Variants in EVC2 observed in about 807,000 individuals in gnomAD.
EVC2 encodes limbin.
In EVC2, 148 loss-of-function variants were observed where a neutral mutation model predicts 149.3. That is an observed-to-expected ratio of 0.99 (90% confidence interval 0.87 to 1.14). The LOEUF (loss-of-function observed/expected upper bound fraction) is 1.14. Ranked by LOEUF, EVC2 falls within the 50% of genes most tolerant of loss-of-function variation. The pLI is 0.00. For missense variants in EVC2, 1,854 were observed against 1,627.3 expected (o/e 1.14, Z -2.40); for synonymous variants, 776 against 649.9 (o/e 1.19, Z -2.95).
chr4:5,680,544 T>C (rs1720270956), intron 7 of EVC2, among the ~76,000 whole-genome samples: 1 of 152,096 alleles, frequency 6.6e-6, no homozygotes, highest in African/African-American at 2.4e-5. Flanking sequence ...GTCCCGTGAG[T>C]CACCCTAGAG....
chr4:5,584,979 G>T, intron 16 of EVC2, 129 bp from the exon 17 acceptor site: 2 of 992,222 alleles, frequency 2.0e-6, no homozygotes, highest in Non-Finnish European at 3.1e-6. Context: ...CAATGGAGAC[G>T]CACTGGGAAC....
chr4:5,673,844 C>A (rs1719823557), intron 7 of EVC2, among the ~76,000 whole-genome samples: 1 of 152,168 alleles, frequency 6.6e-6, no homozygotes, highest in Admixed American at 6.5e-5. Flanking sequence ...GAGATGTGAA[C>A]ATGTTAGCAA....
At chr4:5,586,768 C>T (rs1712317769) in intron 16 of EVC2, among the ~76,000 whole-genome samples, 1 of 152,176 alleles carries the variant, frequency 6.6e-6, no homozygotes, top group Non-Finnish European at 1.5e-5. Flanking sequence ...AGTTGTCCCA[C>T]TTTTCTGGAC....
downstream of EVC2, among the ~76,000 whole-genome samples, chr4:5,538,601 A>T (rs148647062): frequency 3.8e-3 from 573 of 152,292 alleles, 2 homozygotes; most frequent in African/African-American, 0.012. Context: ...CTAACAATAG[A>T]TTGCAAAAAA....
At chr4:5,578,418 C>T (rs1301247831) in intron 17 of EVC2, among the ~76,000 whole-genome samples, 1 of 152,124 alleles carries the variant, frequency 6.6e-6, no homozygotes, top group Non-Finnish European at 1.5e-5. Flanking sequence ...CAAAATAACA[C>T]AAGATAGGAA....
intron 9 of EVC2, among the ~76,000 whole-genome samples, chr4:5,646,266 T>C (rs1023861579): frequency 2.0e-5 from 3 of 152,142 alleles, no homozygotes; most frequent in African/African-American, 7.2e-5. Flanking sequence ...CATTCTGACT[T>C]GTGTGAGGTG....
chr4:5,681,200 G>T (rs981548753), intron 7 of EVC2, 60 bp downstream of exon 7: 2 of 1,581,694 alleles, frequency 1.3e-6, no homozygotes, highest in Non-Finnish European at 1.7e-6. Flanking sequence ...CCAAGGACAG[G>T]CAGGACCCAC....
chr4:5,531,894 G>A, the EVC2 span, among the ~76,000 whole-genome samples: 89 of 152,080 alleles, frequency 5.9e-4, 1 homozygote, highest in African/African-American at 1.9e-3. Flanking sequence ...TCATGCAACC[G>A]GTCCCTGGTG....
chr4:5,598,142 C>G (rs908156474), intron 16 of EVC2, among the ~76,000 whole-genome samples: 3 of 151,340 alleles, frequency 2.0e-5, no homozygotes, highest in Admixed American at 1.3e-4. Flanking sequence ...GGCCATACTG[C>G]CCAAGGTAAT....
rs147118955 is a variant in EVC2 at position 5,549,561 on chromosome 4, C to T, written c.3420-6349G>A. ...TTTAGTCTTTCTGATCTTCACGATC[C>T]GCTTACTTAGCCAGTGATACAGTCT... On this transcript the variant is annotated intron_variant and NMD_transcript_variant, in intron 21 of 22. Transcript: ENST00000475313. 8.8e-4 allele frequency among the ~76,000 whole-genome samples: 134 copies of T among 152,268 alleles called. 1 individual carries two copies. Among genetic ancestry groups the T allele is most frequent in the African/African-American group, 2.9e-3 (119 of 41,556 alleles).
At chr4:5,702,850 C>T (rs767681190) in intron 1 of EVC2, among the ~76,000 whole-genome samples, 8 of 152,128 alleles carry the variant, frequency 5.3e-5, no homozygotes, top group Non-Finnish European at 1.0e-4. Flanking sequence ...ATCACTGTGG[C>T]CTCAGTTTCC....
At chr4:5,607,090 T>C (rs1048246806) in intron 16 of EVC2, among the ~76,000 whole-genome samples, 1 of 152,182 alleles carries the variant, frequency 6.6e-6, no homozygotes, top group African/African-American at 2.4e-5. Flanking sequence ...ACCTATATTG[T>C]GTCTGGGAAT....
chr4:5,568,292 C>A, intron 20 of EVC2, 152 bp downstream of exon 20: 1 of 832,110 alleles, frequency 1.2e-6, no homozygotes, highest in South Asian at 2.0e-5. Flanking sequence ...TCTGGGTGAA[C>A]TTATTTTCTT....
At chr4:5,682,310 G>T (rs888665725) in intron 6 of EVC2, among the ~76,000 whole-genome samples, 4 of 151,796 alleles carry the variant, frequency 2.6e-5, no homozygotes, top group Non-Finnish European at 5.9e-5. Context: ...GGCCAATGTA[G>T]TGAAACCCCA....
rs35998152 is a variant in EVC2 at position 5,614,834 on chromosome 4, A to C, written c.2829+588T>G. ...GTCTACTAAAAATACAAAAATTAGC[A>C]GGTGTGATGGTGGGTGCCTGTAATC... On this transcript the variant is annotated intron_variant, in intron 16 of 21. Coordinates refer to ENST00000344408, the MANE Select transcript of EVC2 (RefSeq NM_147127.5). The surrounding 1 kb of genome is among the most constrained non-coding windows in gnomAD (Gnocchi z 4.7). Among the ~76,000 whole-genome samples, 1 of 151,492 alleles carries C rather than the reference A, an allele frequency of 6.6e-6. No individual in the cohort carries two copies. Among genetic ancestry groups the C allele is most frequent in the African/African-American group, 2.4e-5 (1 of 41,148 alleles).
At chr4:5,587,438 C>A (rs1161701066) in intron 16 of EVC2, among the ~76,000 whole-genome samples, 1 of 152,244 alleles carries the variant, frequency 6.6e-6, no homozygotes, top group East Asian at 1.9e-4. Flanking sequence ...ATCAAAACTT[C>A]ATTTCCTTTT....
rs1473759963 is a variant in EVC2, at chr4:5,576,731, A to G, written c.3058-277T>C. Among the ~76,000 whole-genome samples, 2 of 152,304 alleles carry G rather than the reference A, an allele frequency of 1.3e-5. No homozygotes were observed. The highest frequency in any genetic ancestry group is 3.9e-4 in the East Asian group (2 of 5,182). Reference sequence around the variant, plus strand: ...TCTTCTTTCACCCCTCCGCTTAAGAAGAAACTCCTTGGTGAAGGGCTCCTC... The same window carrying G: ...TCTTCTTTCACCCCTCCGCTTAAGAGGAAACTCCTTGGTGAAGGGCTCCTC... On this transcript the variant is annotated intron_variant, in intron 17 of 21. Coordinates refer to ENST00000344408, the MANE Select transcript of EVC2 (RefSeq NM_147127.5). The surrounding 1 kb of genome is among the most constrained non-coding windows in gnomAD (Gnocchi z 4.5).
chr4:5,543,409 T>C (rs1346245755), intron 21 of EVC2, among the ~76,000 whole-genome samples: 2 of 152,158 alleles, frequency 1.3e-5, no homozygotes, highest in African/African-American at 4.8e-5. Flanking sequence ...GAAGACACAA[T>C]TTTGAAGCCC....
intron 6 of EVC2, among the ~76,000 whole-genome samples, chr4:5,682,465 G>A (rs1334609685): frequency 6.6e-6 from 1 of 151,464 alleles, no homozygotes; most frequent in African/African-American, 2.4e-5. Flanking sequence ...ACTCCAGCCT[G>A]GGTGACAAGA....
Sources: allele counts gnomAD v4.1 joint callset (sites outside exome capture counted in the v4.1 genomes callset), GRCh38; gene constraint gnomAD v4.1.1; non-coding constraint Gnocchi (gnomAD v3.1); transcripts MANE v1.5; gene names NCBI Gene and HGNC (gene_info 2026-07-23, HGNC 2026-07-21).